Variants in NRG1 observed in about 807,000 individuals in gnomAD.
NRG1 encodes the protein neuregulin 1.
NRG1 carries 18 observed loss-of-function variants against 63.8 expected under a neutral mutation model. The ratio of observed to expected loss-of-function variants is 0.28; its 90% CI spans 0.19 to 0.42. NRG1 has a LOEUF of 0.42. NRG1 is among the 10% of genes least tolerant of loss of function. The pLI, the probability that NRG1 is intolerant of heterozygous loss-of-function variation, is 1.00. For synonymous variants in NRG1, 302 were observed against 301.3 expected, an observed-to-expected ratio of 1.00 and a Z score of -0.02; for missense variants, 762 against 814.7, an observed-to-expected ratio of 0.94 and a Z score of 0.79.
At chr8:32,492,389 G>T (rs1826693850) in intron 1 of NRG1, among the ~76,000 whole-genome samples, 1 of 151,048 alleles carries the variant, frequency 6.6e-6, no homozygotes, top group Middle Eastern at 3.5e-3. Context: ...AATACTCCTA[G>T]AATTTTGCTT....
intron 7 of NRG1, among the ~76,000 whole-genome samples, chr8:32,745,122 T>C (rs887646414): frequency 1.3e-5 from 2 of 152,164 alleles, no homozygotes; most frequent in Non-Finnish European, 2.9e-5. Context: ...TTTTTATCTC[T>C]GCAAACCCCT....
intron 1 of NRG1, among the ~76,000 whole-genome samples, chr8:32,110,887 C>G (rs1001609267): frequency 6.6e-6 from 1 of 152,134 alleles, no homozygotes; most frequent in African/African-American, 2.4e-5. Flanking sequence ...AGCCCAGAAG[C>G]ATTGCTGTCT....
chr8:32,707,915 C>A (rs753041270), intron 5 of NRG1, among the ~76,000 whole-genome samples: 1 of 127,968 alleles, frequency 7.8e-6, no homozygotes, highest in African/African-American at 3.0e-5. Context: ...TGGCCTCATA[C>A]CCCCATCATC....
At chr8:32,688,681 A>T (rs1172677543) in intron 5 of NRG1, among the ~76,000 whole-genome samples, 1 of 152,172 alleles carries the variant, frequency 6.6e-6, no homozygotes, top group Non-Finnish European at 1.5e-5. Context: ...TCCAGTCCCC[A>T]GTTAGAGCCA....
chr8:32,397,847 C>G (rs934649677), intron 1 of NRG1, among the ~76,000 whole-genome samples: 7 of 152,176 alleles, frequency 4.6e-5, no homozygotes, highest in African/African-American at 1.7e-4. Flanking sequence ...TTGTCTTAGT[C>G]TTCCATACCA....
intron 1 of NRG1, among the ~76,000 whole-genome samples, chr8:32,117,628 A>G (rs1832909666): frequency 6.6e-6 from 1 of 152,132 alleles, no homozygotes; most frequent in African/African-American, 2.4e-5. Context: ...ATAGCTAGTG[A>G]TTCACAATAT....
chr8:32,402,898 G>A (rs1440058488), intron 1 of NRG1, among the ~76,000 whole-genome samples: 1 of 152,160 alleles, frequency 6.6e-6, no homozygotes, highest in Non-Finnish European at 1.5e-5. Flanking sequence ...TGTATCCCCT[G>A]AGGATAAGGG....
chr8:31,807,027 A>T (rs999716762), intron 1 of NRG1, among the ~76,000 whole-genome samples: 1 of 152,254 alleles, frequency 6.6e-6, no homozygotes, highest in Non-Finnish European at 1.5e-5. Context: ...AACTACCATG[A>T]TTAAAAAGAC....
intron 1 of NRG1, among the ~76,000 whole-genome samples, chr8:32,494,369 A>G (rs1459341660): frequency 1.3e-5 from 2 of 152,204 alleles, no homozygotes; most frequent in Non-Finnish European, 2.9e-5. Context: ...GTCATATTCT[A>G]ATTTAACCCT....
chr8:32,561,773 T>A (rs1270095129), intron 1 of NRG1, among the ~76,000 whole-genome samples: 1 of 151,558 alleles, frequency 6.6e-6, no homozygotes, highest in Non-Finnish European at 1.5e-5. Context: ...AAAGGCCTCC[T>A]AGTCCATTAT....
chr8:31,842,343 C>T (rs1162843357), intron 1 of NRG1, among the ~76,000 whole-genome samples: 1 of 152,148 alleles, frequency 6.6e-6, no homozygotes, highest in Non-Finnish European at 1.5e-5. Context: ...TGTTTTAGGT[C>T]ATGTACTTAT....
At chr8:32,513,197 G>A (rs4473994) in intron 1 of NRG1, among the ~76,000 whole-genome samples, 14,820 of 142,660 alleles carry the variant, frequency 0.1, 1,891 homozygotes, top group East Asian at 0.62. Context: ...GTGTGTATGC[G>A]TGTGTGCGTG....
chr8:32,240,241 G>A (rs1272071272), intron 1 of NRG1, among the ~76,000 whole-genome samples: 7 of 152,142 alleles, frequency 4.6e-5, no homozygotes, highest in African/African-American at 1.7e-4. Flanking sequence ...ATGAGCTATT[G>A]ATACAGACAA....
At chr8:32,298,751 G>A (rs1223861815) in intron 1 of NRG1, among the ~76,000 whole-genome samples, 7 of 148,476 alleles carry the variant, frequency 4.7e-5, no homozygotes, top group Non-Finnish European at 7.4e-5. Context: ...GAAAAAGATC[G>A]GGTGCGGGGG....
At chr8:31,996,297 G>C (rs1427930912) in intron 1 of NRG1, among the ~76,000 whole-genome samples, 1 of 151,880 alleles carries the variant, frequency 6.6e-6, no homozygotes, top group African/African-American at 2.4e-5. Context: ...ATGTCCAGTT[G>C]AAGTCTGGAA....
At chr8:31,817,119 G>A (rs1485538338) in intron 1 of NRG1, among the ~76,000 whole-genome samples, 1 of 152,204 alleles carries the variant, frequency 6.6e-6, no homozygotes, top group African/African-American at 2.4e-5. Flanking sequence ...AAAGCTGACA[G>A]AGCTTCCCTA....
intron 1 of NRG1, among the ~76,000 whole-genome samples, chr8:31,945,635 A>C (rs1802427898): frequency 6.6e-6 from 1 of 152,230 alleles, no homozygotes; most frequent in African/African-American, 2.4e-5. Context: ...TTGCAGCACA[A>C]ACTCACCTGG....
At chr8:31,854,841 C>G (rs892357100) in intron 1 of NRG1, among the ~76,000 whole-genome samples, 3 of 152,094 alleles carry the variant, frequency 2.0e-5, no homozygotes, top group South Asian at 4.2e-4. Flanking sequence ...CAAAGAACAT[C>G]TTTATTTCTG....
intron 5 of NRG1, among the ~76,000 whole-genome samples, chr8:32,717,234 C>T (rs535584277): frequency 7.9e-5 from 12 of 151,802 alleles, no homozygotes; most frequent in Admixed American, 1.3e-4. Flanking sequence ...TTTTGGGTGG[C>T]GGGGGTGGCA....
Sources: allele counts gnomAD v4.1 joint callset (sites outside exome capture counted in the v4.1 genomes callset), GRCh38; gene constraint gnomAD v4.1.1; transcripts MANE v1.5; gene names NCBI Gene and HGNC (gene_info 2026-07-23, HGNC 2026-07-21).